Variants in ERC2 observed in about 807,000 individuals in gnomAD.
The protein encoded by ERC2 is ERC protein 2.
Under a neutral mutation model 114.8 loss-of-function variants are expected in ERC2, and 42 were observed. The observed-to-expected ratio is 0.37, with a 90% CI of 0.29 to 0.47. The LOEUF (loss-of-function observed/expected upper bound fraction) is 0.47. ERC2 is among the 20% of genes least tolerant of loss of function. ERC2 has a pLI of 0.99. For missense variants in ERC2, 939 were observed against 1,150.7 expected (o/e 0.82, Z 2.66); for synonymous variants, 454 against 425.5 (o/e 1.07, Z -0.82).
intron 14 of ERC2, among the ~76,000 whole-genome samples, chr3:55,752,470 T>G (rs184034359): frequency 5.4e-4 from 82 of 152,322 alleles, no homozygotes; most frequent in Non-Finnish European, 9.6e-4. Context: ...TTACCAGCGC[T>G]CTATTGGCCT....
At chr3:56,216,570 A>G (rs1239159918) in intron 3 of ERC2, among the ~76,000 whole-genome samples, 5 of 152,244 alleles carry the variant, frequency 3.3e-5, no homozygotes, top group Admixed American at 3.3e-4. Flanking sequence ...AGGTATAAGG[A>G]GGAACTGGTA....
intron 15 of ERC2, among the ~76,000 whole-genome samples, chr3:55,718,356 T>C (rs1186403622): frequency 1.3e-5 from 2 of 152,162 alleles, no homozygotes; most frequent in Non-Finnish European, 2.9e-5. Context: ...TGGGCACGCA[T>C]GACTGACCAC....
At chr3:55,907,221 T>C (rs897677000) in intron 13 of ERC2, among the ~76,000 whole-genome samples, 1 of 152,180 alleles carries the variant, frequency 6.6e-6, no homozygotes, top group African/African-American at 2.4e-5. Flanking sequence ...TATGGTAAAG[T>C]GGTTCAAAAA....
At chr3:55,945,449 GAAGCTTAAAA>G (rs1259055818) in intron 13 of ERC2, among the ~76,000 whole-genome samples, 1 of 152,168 alleles carries the variant, frequency 6.6e-6, no homozygotes, top group Non-Finnish European at 1.5e-5. Context: ...ATTTAGATAT[GAAGCTTAAAA>G]AATTGCTGCT....
intron 14 of ERC2, among the ~76,000 whole-genome samples, chr3:55,771,331 A>G (rs531406869): frequency 6.6e-6 from 1 of 152,324 alleles, no homozygotes; most frequent in African/African-American, 2.4e-5. Flanking sequence ...TTTACCTTAA[A>G]GATAAAATGG....
intron 17 of ERC2, among the ~76,000 whole-genome samples, chr3:55,530,867 C>T (rs2053622484): frequency 1.3e-5 from 2 of 152,286 alleles, no homozygotes; most frequent in Non-Finnish European, 1.5e-5. Flanking sequence ...GGCATCCCCC[C>T]TCCACCAGAA....
intron 13 of ERC2, among the ~76,000 whole-genome samples, chr3:55,927,891 A>T (rs2065842986): frequency 6.6e-6 from 1 of 152,120 alleles, no homozygotes; most frequent in Non-Finnish European, 1.5e-5. Flanking sequence ...ATTTTACATC[A>T]CATAACTACC....
intron 17 of ERC2, among the ~76,000 whole-genome samples, chr3:55,662,787 T>A (rs1350997739): frequency 6.6e-6 from 1 of 152,224 alleles, no homozygotes; most frequent in African/African-American, 2.4e-5. Context: ...AATATGATGT[T>A]ATTTGATGTT....
intron 17 of ERC2, among the ~76,000 whole-genome samples, chr3:55,644,870 C>T (rs1484755286): frequency 6.6e-6 from 1 of 151,962 alleles, no homozygotes; most frequent in Non-Finnish European, 1.5e-5. Context: ...AGCCCATGAC[C>T]TTGAAAAAGA....
At chr3:56,168,619 T>C (rs2082448729) in intron 4 of ERC2, among the ~76,000 whole-genome samples, 1 of 152,188 alleles carries the variant, frequency 6.6e-6, no homozygotes, top group African/African-American at 2.4e-5. Context: ...TTTCCAGTTA[T>C]ATGAAACTTG....
At chr3:55,926,638 G>C (rs1373509717) in intron 13 of ERC2, among the ~76,000 whole-genome samples, 3 of 152,060 alleles carry the variant, frequency 2.0e-5, no homozygotes, top group Non-Finnish European at 1.5e-5. Context: ...TGCATTCCGT[G>C]GAATAAGGCA....
At chr3:55,542,574 C>T (rs539787235) in intron 17 of ERC2, among the ~76,000 whole-genome samples, 1 of 152,262 alleles carries the variant, frequency 6.6e-6, no homozygotes, top group East Asian at 1.9e-4. Context: ...ACTTGACTTC[C>T]CCCAAAACTT....
At chr3:55,718,801 T>C (rs1259634767) in intron 15 of ERC2, among the ~76,000 whole-genome samples, 2 of 152,216 alleles carry the variant, frequency 1.3e-5, no homozygotes, top group Non-Finnish European at 2.9e-5. Flanking sequence ...CTGGTCTTGG[T>C]CAGGACATTA....
At chr3:55,525,805 G>A (rs2053274356) in intron 17 of ERC2, among the ~76,000 whole-genome samples, 1 of 152,184 alleles carries the variant, frequency 6.6e-6, no homozygotes, top group Admixed American at 6.5e-5. Context: ...TGACTTCAGG[G>A]CAAAGTGGAA....
intron 3 of ERC2, among the ~76,000 whole-genome samples, chr3:56,190,613 T>A (rs1466455305): frequency 1.3e-5 from 2 of 152,110 alleles, no homozygotes; most frequent in Admixed American, 6.6e-5. Flanking sequence ...CTTTTTAAAA[T>A]TTTTTTGTAG....
rs531276687 is a variant in ERC2 at position 56,397,832 on chromosome 3, G to A, written c.657+36519C>T. 2.6e-5 allele frequency among the ~76,000 whole-genome samples: 4 copies of A among 152,244 alleles called. No homozygotes were observed. In the South Asian group the frequency reaches 8.3e-4, roughly 32 times the overall value. On this transcript the variant is annotated intron_variant, in intron 2 of 17. Transcript: ENST00000288221. ...TCAAATGCCCATGTCTTGTTACTCCGCCATGCATGGCCTCATTCCCAAGTT... is the reference window on the plus strand; with the variant it reads ...TCAAATGCCCATGTCTTGTTACTCCACCATGCATGGCCTCATTCCCAAGTT...
chr3:55,635,857 T>TTTTA (rs1553732946), intron 17 of ERC2, among the ~76,000 whole-genome samples: 1 of 150,938 alleles, frequency 6.6e-6, no homozygotes, highest in African/African-American at 2.4e-5. Flanking sequence ...TTAATTTTTA[T>TTTTA]TTTTATTTTA....
chr3:56,091,266 T>C (rs2077772481), intron 6 of ERC2, among the ~76,000 whole-genome samples: 1 of 152,008 alleles, frequency 6.6e-6, no homozygotes, highest in African/African-American at 2.4e-5. Context: ...AGAAGACAGC[T>C]GGCAGAACTG....
chr3:56,264,928 A>G (rs757900906), intron 3 of ERC2, among the ~76,000 whole-genome samples: 1 of 152,202 alleles, frequency 6.6e-6, no homozygotes, highest in Non-Finnish European at 1.5e-5. Flanking sequence ...CACTGAAACT[A>G]TAACACATTG....
Sources: gnomAD v4.1 joint callset for allele counts (sites outside exome capture counted in the v4.1 genomes callset) on GRCh38, gnomAD v4.1.1 for gene constraint, MANE v1.5 for transcripts, NCBI Gene and HGNC (gene_info 2026-07-23, HGNC 2026-07-21) for gene names.